PRELID2: variants seen among roughly 807,000 people sequenced by gnomAD.
The protein encoded by PRELID2 is PRELI domain-containing protein 2.
PRELID2 carries 25 observed loss-of-function variants against 28.4 expected under a neutral mutation model. That is an observed-to-expected ratio of 0.88 (90% CI 0.64 to 1.23). The LOEUF (loss-of-function observed/expected upper bound fraction) is 1.23. Ranked by LOEUF, PRELID2 falls within the 50% of genes most tolerant of loss-of-function variation. PRELID2 has a pLI of 0.00. For missense variants in PRELID2, 201 were observed against 214.4 expected (o/e 0.94, Z 0.39); for synonymous variants, 76 against 71.6 (o/e 1.06, Z -0.31).
intron 1 of PRELID2, among the ~76,000 whole-genome samples, chr5:145,638,626 T>C (rs1754043821): frequency 6.6e-6 from 1 of 152,176 alleles, no homozygotes; most frequent in Admixed American, 6.5e-5. Context: ...TTGGCATGGG[T>C]CAGTTCAAGT....
At chr5:145,448,061 T>G in the PRELID2 span, among the ~76,000 whole-genome samples, 1 of 152,220 alleles carries the variant, frequency 6.6e-6, no homozygotes, top group East Asian at 1.9e-4. Flanking sequence ...ACTTCCACAA[T>G]GGTTGAACTA....
chr5:145,241,268 C>A, the PRELID2 span, among the ~76,000 whole-genome samples: 2 of 151,850 alleles, frequency 1.3e-5, no homozygotes, highest in Admixed American at 6.6e-5. Flanking sequence ...CTCATAAATA[C>A]CTTGAAGACA....
chr5:145,742,036 TA>T (rs1561568971), intron 1 of PRELID2, among the ~76,000 whole-genome samples: 3 of 127,942 alleles, frequency 2.3e-5, no homozygotes, highest in Non-Finnish European at 4.7e-5. Flanking sequence ...ATTTATTCAT[TA>T]ATAATAAATA....
At chr5:145,272,397 C>G in the PRELID2 span, among the ~76,000 whole-genome samples, 7 of 152,114 alleles carry the variant, frequency 4.6e-5, no homozygotes, top group Non-Finnish European at 1.0e-4. Flanking sequence ...GAAGCAGAAT[C>G]ATCTCTGGTC....
At chr5:145,697,080 T>TATATATACAC (rs1554084239) in intron 1 of PRELID2, among the ~76,000 whole-genome samples, 2 of 85,948 alleles carry the variant, frequency 2.3e-5, no homozygotes, top group East Asian at 3.5e-4. Flanking sequence ...TATATATATA[T>TATATATACAC]ACACACACAC....
chr5:145,381,389 G>A, the PRELID2 span, among the ~76,000 whole-genome samples: 2 of 152,066 alleles, frequency 1.3e-5, no homozygotes, highest in East Asian at 1.9e-4. Context: ...ATATTGGGTT[G>A]GTGCAAAATT....
chr5:145,818,208 T>C (rs1334414246), intron 3 of PRELID2, among the ~76,000 whole-genome samples, 154 bp from the exon 4 acceptor site: 1 of 152,148 alleles, frequency 6.6e-6, no homozygotes, highest in East Asian at 1.9e-4. Flanking sequence ...TTTTTGATAA[T>C]CAAACATACT....
rs1226730401 is a variant in PRELID2 at position 145,626,559 on chromosome 5, A to G, written n.70+138372T>C. 3.9e-5 allele frequency among the ~76,000 whole-genome samples: 6 copies of G among 152,196 alleles called. No individual in the cohort carries two copies. The South Asian group carries it at 6.2e-4, about 16-fold the overall frequency. On this transcript the variant is annotated intron_variant and non_coding_transcript_variant, in intron 1 of 2. Coordinates refer to the PRELID2 transcript ENST00000510259. The stretch of plus-strand genomic sequence containing the variant: ...AGGATGCAGAGAAATGGGAACGCTT[A>G]TACACTCTTGGTGGGAATGTCAGTT...
At chr5:145,777,033 A>G (rs1333562703) in intron 5 of PRELID2, among the ~76,000 whole-genome samples, 1 of 152,218 alleles carries the variant, frequency 6.6e-6, no homozygotes, top group Non-Finnish European at 1.5e-5. Flanking sequence ...TGCTGTAAGC[A>G]ATTCTGGCTC....
At chr5:145,242,747 C>A in the PRELID2 span, among the ~76,000 whole-genome samples, 1 of 151,994 alleles carries the variant, frequency 6.6e-6, no homozygotes, top group Non-Finnish European at 1.5e-5. Context: ...AAACCCTAAT[C>A]CGATAATTCC....
At position 145,574,427 on chromosome 5, in the gene PRELID2, G is replaced by C. The variant is rs150138358; in HGVS notation, n.71-101112C>G. The stretch of plus-strand genomic sequence containing the variant: ...AAGTTTGTAATAATTTCTTACAGCA[G>C]CAATAGAAAACTAATACACCCTCCA... On this transcript the variant is annotated intron_variant and non_coding_transcript_variant, in intron 1 of 2. Coordinates refer to the PRELID2 transcript ENST00000510259. Among the ~76,000 whole-genome samples the C allele has an allele frequency of 1.3e-3, 195 of 152,268 alleles. 2 individuals are homozygous for C. Among genetic ancestry groups the C allele is most frequent in the African/African-American group, 4.6e-3 (191 of 41,538 alleles).
chr5:145,414,189 C>A, the PRELID2 span, among the ~76,000 whole-genome samples: 277 of 152,244 alleles, frequency 1.8e-3, 1 homozygote, highest in African/African-American at 6.4e-3. Flanking sequence ...GAGAACAGGA[C>A]CAGAGAAATT....
chr5:145,275,108 A>T, the PRELID2 span, among the ~76,000 whole-genome samples: 2 of 152,138 alleles, frequency 1.3e-5, no homozygotes, highest in African/African-American at 2.4e-5. Context: ...CTATCTCCAA[A>T]TAGTCATTTT....
the PRELID2 span, among the ~76,000 whole-genome samples, chr5:145,462,040 A>G: frequency 1.3e-5 from 2 of 152,318 alleles, no homozygotes; most frequent in South Asian, 4.1e-4. Context: ...ATTATGAATT[A>G]TTGCCATTCT....
chr5:145,707,504 A>C (rs1374819690), intron 1 of PRELID2, among the ~76,000 whole-genome samples: 3 of 152,178 alleles, frequency 2.0e-5, no homozygotes, highest in Non-Finnish European at 4.4e-5. Context: ...CTTTTTAAAA[A>C]ATCTCCGCTA....
At chr5:145,796,692 A>T (rs1752775400) in intron 4 of PRELID2, 145 bp from the exon 5 acceptor site, 2 of 436,422 alleles carry the variant, frequency 4.6e-6, no homozygotes, top group Admixed American at 8.0e-5. Context: ...TTATAAGAAG[A>T]TTTTGTTAAA....
At chr5:145,823,740 A>G (rs1237669336) in intron 1 of PRELID2, among the ~76,000 whole-genome samples, 2 of 152,234 alleles carry the variant, frequency 1.3e-5, no homozygotes. Flanking sequence ...TGCTAGGCAC[A>G]TAGTAAATAC....
chr5:145,296,605 G>A, the PRELID2 span, among the ~76,000 whole-genome samples: 2 of 151,986 alleles, frequency 1.3e-5, no homozygotes, highest in African/African-American at 4.8e-5. Context: ...TGGACATTTC[G>A]GTTGGCTCCA....
intron 1 of PRELID2, chr5:145,704,325 A>T (rs538440784): frequency 1.3e-5 from 2 of 152,298 alleles, no homozygotes; most frequent in East Asian, 3.9e-4. Context: ...CACAGAGGAA[A>T]TTCCCAACTT....
Sources: allele counts gnomAD v4.1 joint callset (sites outside exome capture counted in the v4.1 genomes callset), GRCh38; gene constraint gnomAD v4.1.1; transcripts MANE v1.5; gene names NCBI Gene and HGNC (gene_info 2026-07-23, HGNC 2026-07-21).